COX7B2: variants seen among roughly 807,000 people sequenced by gnomAD.
COX7B2 encodes the protein cytochrome c oxidase subunit 7B2.
For missense variants in COX7B2, 109 were observed against 95.9 expected (o/e 1.14, Z -0.57); for synonymous variants, 37 against 32.1 (o/e 1.15, Z -0.51).
intron 2 of COX7B2, among the ~76,000 whole-genome samples, chr4:46,747,775 T>A (rs894053739): frequency 4.6e-5 from 7 of 152,206 alleles, no homozygotes; most frequent in African/African-American, 1.7e-4. Flanking sequence ...TACTTAAGCA[T>A]CACATTGGAA....
intron 1 of COX7B2, among the ~76,000 whole-genome samples, chr4:46,860,166 G>A (rs181739887): frequency 3.9e-5 from 6 of 152,302 alleles, no homozygotes; most frequent in Admixed American, 3.3e-4. Flanking sequence ...ATGGTAAAGC[G>A]AGGTGGCAAG....
chr4:46,845,757 C>T lies in COX7B2; in HGVS notation c.-104-743G>A, dbSNP rs74581762. 6.3e-3 allele frequency among the ~76,000 whole-genome samples: 962 copies of T among 152,086 alleles called. 6 individuals carry two copies. The highest frequency in any genetic ancestry group is 0.022 in the African/African-American group (905 of 41,532). ...CAGGTGACTACCACTGCCTGTTTTA[C>T]CTCCTTCTTAATGCCTGGAGTGAAA... On this transcript the variant is annotated intron_variant, in intron 1 of 2. Coordinates refer to ENST00000355591, the MANE Select transcript of COX7B2 (RefSeq NM_130902.3).
chr4:46,887,854 C>T (rs894738053), intron 1 of COX7B2, among the ~76,000 whole-genome samples: 10 of 151,982 alleles, frequency 6.6e-5, no homozygotes, highest in Admixed American at 3.9e-4. Context: ...ACCCTGCAAG[C>T]AGCCTCTAAA....
intron 2 of COX7B2, among the ~76,000 whole-genome samples, chr4:46,791,436 C>A (rs1308863255): frequency 6.6e-6 from 1 of 152,162 alleles, no homozygotes; most frequent in Non-Finnish European, 1.5e-5. Context: ...AATCTTAACT[C>A]GCCTTGGTAT....
chr4:46,796,948 C>T (rs1216793069), intron 2 of COX7B2, among the ~76,000 whole-genome samples: 2 of 56,578 alleles, frequency 3.5e-5, no homozygotes, highest in African/African-American at 9.0e-5. Context: ...GTGGTGGGGT[C>T]GGGGGAGCGG....
intron 2 of COX7B2, among the ~76,000 whole-genome samples, chr4:46,745,078 G>A (rs184768335): frequency 2.0e-5 from 3 of 152,036 alleles, no homozygotes; most frequent in Admixed American, 6.6e-5. Context: ...TTTCCATTTT[G>A]CATTAAAATT....
At chr4:46,887,732 A>G (rs1162875792) in intron 1 of COX7B2, among the ~76,000 whole-genome samples, 1 of 150,558 alleles carries the variant, frequency 6.6e-6, no homozygotes, top group East Asian at 1.9e-4. Context: ...AAAAAAAAAA[A>G]GGAAGTATCC....
intron 1 of COX7B2, among the ~76,000 whole-genome samples, chr4:46,871,831 G>A (rs1281514843): frequency 1.3e-5 from 2 of 151,968 alleles, no homozygotes; most frequent in Non-Finnish European, 2.9e-5. Flanking sequence ...CCAGATACTG[G>A]CAAAGTTGAG....
intron 2 of COX7B2, among the ~76,000 whole-genome samples, chr4:46,831,770 A>T (rs1305074647): frequency 6.6e-6 from 1 of 152,090 alleles, no homozygotes; most frequent in Non-Finnish European, 1.5e-5. Flanking sequence ...TGCACCAATC[A>T]GCACTCTGTG....
intron 1 of COX7B2, among the ~76,000 whole-genome samples, chr4:46,878,241 T>A (rs1718470050): frequency 6.6e-6 from 1 of 151,280 alleles, no homozygotes; most frequent in South Asian, 2.1e-4. Flanking sequence ...TTACCAGGGG[T>A]GAGGAGGTAA....
intron 2 of COX7B2, among the ~76,000 whole-genome samples, chr4:46,805,401 C>T (rs1410252576): frequency 2.0e-5 from 3 of 152,182 alleles, no homozygotes; most frequent in African/African-American, 7.2e-5. Context: ...AGTAATATAC[C>T]ACAAAACTAC....
chr4:46,818,386 C>A (rs1404760673), intron 2 of COX7B2, among the ~76,000 whole-genome samples: 1 of 152,264 alleles, frequency 6.6e-6, no homozygotes, highest in South Asian at 2.1e-4. Flanking sequence ...GTAAACCCAG[C>A]ACTTTGGGAG....
intron 1 of COX7B2, among the ~76,000 whole-genome samples, chr4:46,859,364 T>A (rs1310042991): frequency 6.6e-6 from 1 of 152,158 alleles, no homozygotes; most frequent in Non-Finnish European, 1.5e-5. Flanking sequence ...GGAGCACAGA[T>A]TTTAGGGGTC....
At chr4:46,849,523 T>G (rs1157332271) in intron 1 of COX7B2, among the ~76,000 whole-genome samples, 1 of 152,114 alleles carries the variant, frequency 6.6e-6, no homozygotes, top group African/African-American at 2.4e-5. Context: ...ATTGACTGAT[T>G]AGCAGCTTTC....
intron 1 of COX7B2, among the ~76,000 whole-genome samples, chr4:46,879,259 C>A (rs1445659622): frequency 6.6e-6 from 1 of 152,050 alleles, no homozygotes; most frequent in East Asian, 1.9e-4. Context: ...TTCCAAGTAG[C>A]CTCTAGTCTT....
At chr4:46,784,585 A>G (rs1425123240) in intron 2 of COX7B2, among the ~76,000 whole-genome samples, 1 of 152,160 alleles carries the variant, frequency 6.6e-6, no homozygotes, top group Non-Finnish European at 1.5e-5. Flanking sequence ...AGATAGCACC[A>G]TTGCACTCTA....
intron 1 of COX7B2, among the ~76,000 whole-genome samples, chr4:46,851,119 A>T (rs1445774480): frequency 6.6e-6 from 1 of 152,012 alleles, no homozygotes; most frequent in African/African-American, 2.4e-5. Flanking sequence ...CCATGACAGG[A>T]TCCAAGAAGG....
chr4:46,764,707 T>G (rs1716424215), intron 2 of COX7B2, among the ~76,000 whole-genome samples: 1 of 150,038 alleles, frequency 6.7e-6, no homozygotes, highest in East Asian at 2.0e-4. Context: ...GTAGAATATT[T>G]GCATGTGGTT....
chr4:46,752,640 T>A (rs1019534596), intron 2 of COX7B2, among the ~76,000 whole-genome samples: 2 of 152,170 alleles, frequency 1.3e-5, no homozygotes, highest in Non-Finnish European at 2.9e-5. Context: ...GGCTGTTGAA[T>A]TTTGTCAAAA....
Sources: allele counts gnomAD v4.1 joint callset (sites outside exome capture counted in the v4.1 genomes callset), GRCh38; gene constraint gnomAD v4.1.1; transcripts MANE v1.5; gene names NCBI Gene and HGNC (gene_info 2026-07-23, HGNC 2026-07-21).